The following CHSY1 variants were observed in gnomAD, a reference collection of about 807,000 sequenced individuals.
CHSY1 encodes the protein chondroitin sulfate synthase 1.
In CHSY1, 13 loss-of-function variants were observed where a neutral mutation model predicts 59.8. The ratio of observed to expected loss-of-function variants is 0.22; its 90% CI spans 0.14 to 0.35. The LOEUF (loss-of-function observed/expected upper bound fraction) is 0.35, where lower values mean the gene tolerates loss of function less well. Among genes scored for constraint, CHSY1 ranks in the 10% least tolerant of loss-of-function variants. The pLI is 1.00. For synonymous variants in CHSY1, 459 were observed against 401.2 expected (o/e 1.14, Z -1.72); for missense variants, 947 against 1,030.6 (o/e 0.92, Z 1.11).
At position 101,217,173 on chromosome 15, in the gene CHSY1, G is replaced by C. The variant is rs186567452; in HGVS notation, c.816+17909C>G. Among the ~76,000 whole-genome samples the C allele has an allele frequency of 1.1e-4, 16 of 152,300 alleles. No homozygotes were observed. In the East Asian group the frequency reaches 2.9e-3, roughly 27 times the overall value. On this transcript the variant is annotated intron_variant, in intron 2 of 2. Coordinates refer to ENST00000254190, the MANE Select transcript of CHSY1 (RefSeq NM_014918.5). ...CTGAAATTACAGAATTAAGTAAATG[G>C]ATGGCGGGTGGTAAAAGCCAGGTTT...
chr15:101,193,130 T>G (rs938358747), intron 2 of CHSY1, among the ~76,000 whole-genome samples: 3 of 152,226 alleles, frequency 2.0e-5, no homozygotes, highest in Admixed American at 6.5e-5. Flanking sequence ...CCGCAGCCAC[T>G]GCACACAGCA....
chr15:101,204,377 T>G (rs1443590402), intron 2 of CHSY1, among the ~76,000 whole-genome samples: 2 of 151,288 alleles, frequency 1.3e-5, no homozygotes, highest in East Asian at 3.9e-4. Flanking sequence ...GAGGGTGCAG[T>G]GAGTCGAGAT....
intron 1 of CHSY1, among the ~76,000 whole-genome samples, chr15:101,236,893 G>A (rs1487772913): frequency 6.6e-6 from 1 of 151,936 alleles, no homozygotes; most frequent in Non-Finnish European, 1.5e-5. Flanking sequence ...ATTTTGGTAT[G>A]TCTTTATCAG....
chr15:101,230,711 T>A (rs1456998495), intron 2 of CHSY1, among the ~76,000 whole-genome samples: 1 of 152,218 alleles, frequency 6.6e-6, no homozygotes, highest in Non-Finnish European at 1.5e-5. Context: ...CTTGATGATA[T>A]ATGCCTCCTC....
At chr15:101,236,253 G>C (rs1035651870) in intron 1 of CHSY1, among the ~76,000 whole-genome samples, 1 of 152,148 alleles carries the variant, frequency 6.6e-6, no homozygotes, top group Non-Finnish European at 1.5e-5. Context: ...GTTTGGCTGT[G>C]TCCCCACCCA....
chr15:101,209,755 C>A (rs1475611322), intron 2 of CHSY1, among the ~76,000 whole-genome samples: 1 of 152,180 alleles, frequency 6.6e-6, no homozygotes, highest in African/African-American at 2.4e-5. Flanking sequence ...ACTGTTCCAA[C>A]AGACAGGTAT....
At position 101,177,402 on chromosome 15, in the gene CHSY1, C is replaced by T; in HGVS notation, c.2395G>A (p.Val799Met). Reference protein sequence around the residue: ...YSKSSNNNGSVRTA With the variant: ...YSKSSNNNGSMRTA ...AAAGCTGGACATTAGGCTGTCCTCA[C>T]TGAGCCATTATTATTGCTGCTTTTA... Residue 799 changes from valine (V) to methionine (M), a missense_variant, in exon 3 of 3, where the codon GTG becomes ATG. Coordinates refer to ENST00000254190, the MANE Select transcript of CHSY1 (RefSeq NM_014918.5). The T allele has an allele frequency of 1.2e-6, 2 of 1,612,678 alleles. No individual in the cohort carries two copies. Among genetic ancestry groups the T allele is most frequent in the Non-Finnish European group, 1.7e-6 (2 of 1,179,646 alleles).
chr15:101,208,847 G>A (rs1352911051), intron 2 of CHSY1, among the ~76,000 whole-genome samples: 1 of 152,254 alleles, frequency 6.6e-6, no homozygotes, highest in East Asian at 1.9e-4. Flanking sequence ...GAATACAAGA[G>A]TGTATACTCA....
At chr15:101,212,791 C>CA (rs2038694843) in intron 2 of CHSY1, among the ~76,000 whole-genome samples, 2 of 152,122 alleles carry the variant, frequency 1.3e-5, no homozygotes, top group African/African-American at 2.4e-5. Context: ...AGTCAATATG[C>CA]AACTCTAGGT....
intron 1 of CHSY1, among the ~76,000 whole-genome samples, chr15:101,243,718 AC>A (rs752973970): frequency 2.6e-5 from 4 of 152,152 alleles, no homozygotes; most frequent in Non-Finnish European, 4.4e-5. Context: ...CGACTTGAAA[AC>A]CTGGACAAAA....
At chr15:101,207,424 GAAC>G (rs1185294913) in intron 2 of CHSY1, among the ~76,000 whole-genome samples, 1 of 152,162 alleles carries the variant, frequency 6.6e-6, no homozygotes, top group African/African-American at 2.4e-5. Flanking sequence ...GGCTATCTGT[GAAC>G]AACAATACCT....
intron 2 of CHSY1, among the ~76,000 whole-genome samples, chr15:101,215,712 G>C (rs2038725826): frequency 6.6e-6 from 1 of 152,236 alleles, no homozygotes; most frequent in Admixed American, 6.5e-5. Flanking sequence ...TCCAGCCTGG[G>C]CAACAAATCG....
intron 2 of CHSY1, among the ~76,000 whole-genome samples, chr15:101,222,509 T>C (rs550039094): frequency 6.6e-6 from 1 of 152,338 alleles, no homozygotes; most frequent in South Asian, 2.1e-4. Flanking sequence ...GCAGACTTTA[T>C]TCAGATTTCA....
chr15:101,228,834 A>AT (rs1352723911), intron 2 of CHSY1, among the ~76,000 whole-genome samples: 1 of 152,240 alleles, frequency 6.6e-6, no homozygotes, highest in African/African-American at 2.4e-5. Flanking sequence ...GTATAAATGT[A>AT]TTTTTTATTT....
At position 101,209,924 on chromosome 15, in the gene CHSY1, C is replaced by CAA. The variant is rs1293426365; in HGVS notation, c.816+25156_816+25157dup. Among the ~76,000 whole-genome samples the CAA allele has an allele frequency of 2.6e-5, 4 of 152,164 alleles. No homozygotes were observed. In the East Asian group the frequency reaches 7.7e-4, roughly 29 times the overall value. On this transcript the variant is annotated intron_variant, in intron 2 of 2. Coordinates refer to ENST00000254190, the MANE Select transcript of CHSY1 (RefSeq NM_014918.5). Reference sequence around the variant, plus strand: ...ACACAGAAAGTATACAAAAAGTATACAAGTGCCTTAAATTTTGTAATGAAG... The same window carrying CAA: ...ACACAGAAAGTATACAAAAAGTATACAAAAGTGCCTTAAATTTTGTAATGAAG...
chr15:101,203,681 T>C (rs72768566), intron 2 of CHSY1, among the ~76,000 whole-genome samples: 15,392 of 152,270 alleles, frequency 0.1, 1,101 homozygotes, highest in Middle Eastern at 0.19. Context: ...TAACACTGCC[T>C]GTATGGATCA....
Position 101,177,222 on chromosome 15 carries a change from C to T in CHSY1, c.*166G>A. On this transcript the variant is annotated 3_prime_UTR_variant, in exon 3 of 3. Coordinates refer to ENST00000254190, the MANE Select transcript of CHSY1 (RefSeq NM_014918.5). ...GCAAGAAGATGTGTTCAAAGGCAAA[C>T]ACTGATCACCTTCTTGTTCAGAAAG... 1.6e-6 allele frequency: 1 copy of T among 631,132 alleles called. No homozygotes were observed. 39.1% of individuals were successfully genotyped at this position (631,132 alleles called of 1,614,324 possible).
At chr15:101,229,510 T>C (rs2038872416) in intron 2 of CHSY1, among the ~76,000 whole-genome samples, 1 of 152,060 alleles carries the variant, frequency 6.6e-6, no homozygotes. Context: ...ATCAAACAGG[T>C]ATAACAAATA....
intron 2 of CHSY1, among the ~76,000 whole-genome samples, chr15:101,233,088 GA>G (rs1240798403): frequency 6.6e-6 from 1 of 152,248 alleles, no homozygotes; most frequent in Non-Finnish European, 1.5e-5. Flanking sequence ...CCAAGCCTCA[GA>G]GGGGGCTCCA....
Sources: allele counts gnomAD v4.1 joint callset (sites outside exome capture counted in the v4.1 genomes callset), GRCh38; gene constraint gnomAD v4.1.1; transcripts MANE v1.5; gene names NCBI Gene and HGNC (gene_info 2026-07-23, HGNC 2026-07-21).